Variants in BBS2 observed in about 807,000 individuals in gnomAD.
The protein encoded by BBS2 is Bardet-Biedl syndrome 2.
BBS2 carries 62 observed loss-of-function variants against 83.0 expected under a neutral mutation model. That is an observed-to-expected ratio of 0.75 (90% CI 0.61 to 0.92). The LOEUF (loss-of-function observed/expected upper bound fraction) is 0.92, where lower values mean the gene tolerates loss of function less well. Ranked by LOEUF, BBS2 falls within the 40% of genes least tolerant of loss-of-function variation. BBS2 has a pLI of 0.00. For synonymous variants in BBS2, 303 were observed against 326.1 expected, an observed-to-expected ratio of 0.93 and a Z score of 0.76; for missense variants, 784 against 901.0, an observed-to-expected ratio of 0.87 and a Z score of 1.66.
chr16:56,499,158 T>C lies in BBS2; in HGVS notation c.1528-590A>G, dbSNP rs1283323006. The C allele has an allele frequency of 1.7e-5, 3 of 180,092 alleles. No individual in the cohort carries two copies. In the East Asian group the frequency reaches 4.5e-4, roughly 27 times the overall value. 11.2% of individuals were successfully genotyped at this position (180,092 alleles called of 1,614,324 possible). ...AGGGCCCACCTATAGAGTCTGTGGT[T>C]CCACAGGCCAGGCAGGGGCCTGAGA... On this transcript the variant is annotated intron_variant, in intron 12 of 16. Coordinates refer to ENST00000245157, the MANE Select transcript of BBS2 (RefSeq NM_031885.5).
chr16:56,501,281 C>CA (rs150693766), intron 10 of BBS2, 72 bp downstream of exon 10: 87,290 of 1,261,814 alleles, frequency 0.069, 5 homozygotes, highest in Non-Finnish European at 0.078. Context: ...GACTCTGTCT[C>CA]AAAAAAAAAA....
chr16:56,480,373 A>C (rs866651722), downstream of BBS2, among the ~76,000 whole-genome samples: 37 of 146,116 alleles, frequency 2.5e-4, 2 homozygotes, highest in African/African-American at 8.9e-4. Flanking sequence ...AAACAAAAAA[A>C]AAAACAAAGC....
In BBS2 at chr16:56,474,858, T is replaced by A. The variant is rs766008825; in HGVS notation, c.*1-4163A>T. 1.7e-5 allele frequency: 27 copies of A among 1,613,076 alleles called. No individual in the cohort carries two copies. The highest frequency in any genetic ancestry group is 2.3e-5 in the Non-Finnish European group (27 of 1,179,258). On this transcript the variant is annotated intron_variant, in intron 17 of 17. Transcript: ENST00000682047. ...AGTGTTCCCATGTGCCAAGGGGAACTGAGGCATTGGAAGACCGGTCACTAC... is the reference window on the plus strand; with the variant it reads ...AGTGTTCCCATGTGCCAAGGGGAACAGAGGCATTGGAAGACCGGTCACTAC...
downstream of BBS2, among the ~76,000 whole-genome samples, chr16:56,479,982 A>G (rs552036271): frequency 6.6e-6 from 1 of 152,372 alleles, no homozygotes; most frequent in East Asian, 1.9e-4. Context: ...ATGGGCTTCA[A>G]GCTCCAGCAT....
Position 56,497,030 on chromosome 16 carries a change from T to A in BBS2, c.1847A>T (p.Asp616Val), listed in dbSNP as rs1320185273. The A allele has an allele frequency of 1.2e-6, 2 of 1,614,114 alleles. No individual in the cohort carries two copies. The highest frequency in any genetic ancestry group is 1.7e-6 in the Non-Finnish European group (2 of 1,179,978). ...CAAACTTCGGATCAAATTAGAATGA[T>A]CAGCCATATCAGCACTGAGCTTCTG... is the stretch of plus-strand genomic sequence containing the variant. ...VHQKLSADMA[D>V]HSNLIRSLLV... is the part of the protein sequence containing the mutation. The change falls in exon 15 of 17, where the codon GAT (aspartate) becomes GTT (valine). Residue 616 changes from aspartate to valine, a missense_variant. Coordinates refer to ENST00000245157, the MANE Select transcript of BBS2 (RefSeq NM_031885.5).
chr16:56,485,562 A>G (rs767348588), intron 16 of BBS2, 28 bp downstream of exon 16: 1 of 1,613,276 alleles, frequency 6.2e-7, no homozygotes. Context: ...TTACAGATCA[A>G]AGTGCAGTGT....
chr16:56,501,859 G>A (rs1287008956), intron 9 of BBS2: 2 of 368,462 alleles, frequency 5.4e-6, no homozygotes, highest in Admixed American at 4.0e-5. Flanking sequence ...CCAGTTTGCT[G>A]TATGCACACA....
downstream of BBS2, among the ~76,000 whole-genome samples, chr16:56,480,361 A>AAAAAAAAAAAAAC (rs1567561784): frequency 6.8e-6 from 1 of 147,986 alleles, no homozygotes; most frequent in African/African-American, 2.6e-5. Context: ...ACAAAAAAAA[A>AAAAAAAAAAAAAC]AAAACAAAAA....
rs1964681625 is a variant in BBS2, at chr16:56,514,631, C to T, written c.167G>A (p.Arg56Lys). 1 of 1,614,098 alleles carries T rather than the reference C, an allele frequency of 6.2e-7. No individual in the cohort carries two copies. Among genetic ancestry groups the T allele is most frequent in the Non-Finnish European group, 8.5e-7 (1 of 1,180,004 alleles). The change falls in exon 2 of 17, where the codon AGG (arginine) becomes AAG (lysine). Residue 56 changes from arginine to lysine, a missense_variant. By Grantham distance (26) the Arg-to-Lys change is conservative (BLOSUM62 2). Coordinates refer to ENST00000245157, the MANE Select transcript of BBS2 (RefSeq NM_031885.5). The stretch of plus-strand genomic sequence containing the variant: ...AGATTCCAGGGGGCTCTGGAAGACC[C>T]TGGATGCACTGACATGCTGGTTCCG... ...HTRNQHVSAS[R>K]VFQSPLESDV... is the part of the protein sequence containing the mutation.
intron 16 of BBS2, 45 bp downstream of exon 16, chr16:56,485,545 A>C: frequency 3.1e-6 from 5 of 1,610,018 alleles, no homozygotes; most frequent in Non-Finnish European, 4.2e-6. Flanking sequence ...GAGTTCCACC[A>C]AAAACATTAC....
At chr16:56,488,204 C>A (rs1286628730) in intron 15 of BBS2, among the ~76,000 whole-genome samples, 1 of 152,162 alleles carries the variant, frequency 6.6e-6, no homozygotes, top group Non-Finnish European at 1.5e-5. Context: ...TTCCCACACA[C>A]CAAGAAAACA....
In BBS2 at chr16:56,509,937, T is replaced by C; in HGVS notation, c.612+20A>G. ...TCTATCTTGCTCAAGGTTACCATAG[T>C]TCGAGGTGGAGCTTCTTACCTCTGT... On this transcript the variant is annotated intron_variant, in intron 5 of 16. Transcript: ENST00000245157. 6.2e-7 allele frequency: 1 copy of C among 1,612,842 alleles called. No individual in the cohort carries two copies.
intron 15 of BBS2, among the ~76,000 whole-genome samples, chr16:56,486,748 C>CTTTTTTTTTTTTT (rs1190474419): frequency 2.4e-5 from 2 of 84,216 alleles, no homozygotes; most frequent in African/African-American, 4.7e-5. Flanking sequence ...CAGAAATATT[C>CTTTTTTTTTTTTT]TTTTTTTTTT....
Position 56,499,884 on chromosome 16 carries a change from G to A in BBS2, c.1421C>T (p.Ser474Leu), listed in dbSNP as rs768215650. 14 of 1,614,002 alleles carry A rather than the reference G, an allele frequency of 8.7e-6. No individual in the cohort carries two copies. Among genetic ancestry groups the A allele is most frequent in the East Asian group, 2.2e-5 (1 of 44,880 alleles). ...GGAGAATCGAGGGAGCTGTCTTGTCGATTCAAATACATGAAACTGGGTGCT... is the reference window on the plus strand; with the variant it reads ...GGAGAATCGAGGGAGCTGTCTTGTCAATTCAAATACATGAAACTGGGTGCT... Reference protein sequence around the residue: ...RSSTQFHVFESTRQLPRFSMY... With the variant: ...RSSTQFHVFELTRQLPRFSMY... The change falls in exon 12 of 17, where the codon TCG becomes TTG. Residue 474 changes from serine (S) to leucine (L), a missense_variant. Transcript: ENST00000245157.
At chr16:56,473,017 G>T (rs1342715251) in intron 17 of BBS2, among the ~76,000 whole-genome samples, 3 of 152,062 alleles carry the variant, frequency 2.0e-5, no homozygotes, top group African/African-American at 7.2e-5. Context: ...TGCTACCTCC[G>T]TCTTCCGGGT....
At chr16:56,498,015 G>A (rs1427151967) in intron 13 of BBS2, 135 bp from the exon 14 acceptor site, 3 of 943,908 alleles carry the variant, frequency 3.2e-6, no homozygotes, top group African/African-American at 3.3e-5. Flanking sequence ...AAAAAGGAAA[G>A]TTTAGCTCTC....
chr16:56,500,773 C>T (rs1964247054), intron 11 of BBS2, 81 bp downstream of exon 11: 3 of 1,454,932 alleles, frequency 2.1e-6, no homozygotes, highest in African/African-American at 1.4e-5. Flanking sequence ...CCCAAGAATC[C>T]ACTGGGCATA....
intron 7 of BBS2, among the ~76,000 whole-genome samples, chr16:56,505,680 G>A (rs1964401385): frequency 6.6e-6 from 1 of 152,142 alleles, no homozygotes; most frequent in Admixed American, 6.5e-5. Flanking sequence ...CTGGCTGATG[G>A]ATTCTCAGCA....
intron 1 of BBS2, among the ~76,000 whole-genome samples, chr16:56,516,716 T>C (rs1964762761): frequency 6.6e-6 from 1 of 152,140 alleles, no homozygotes; most frequent in Admixed American, 6.6e-5. Flanking sequence ...TAAAAAAATA[T>C]CCTTGCTAAG....
Sources: allele counts gnomAD v4.1 joint callset (sites outside exome capture counted in the v4.1 genomes callset), GRCh38; gene constraint gnomAD v4.1.1; transcripts MANE v1.5; gene names NCBI Gene and HGNC (gene_info 2026-07-23, HGNC 2026-07-21).